WDR33: variants seen among roughly 807,000 people sequenced by gnomAD.
The protein encoded by WDR33 is WD repeat domain 33.
A neutral mutation model predicts 164.9 loss-of-function variants in WDR33; 47 were observed. That is an observed-to-expected ratio of 0.29 (90% confidence interval 0.23 to 0.36). The LOEUF (loss-of-function observed/expected upper bound fraction) is 0.36, where lower values mean the gene tolerates loss of function less well. Ranked by LOEUF, WDR33 falls within the 10% of genes least tolerant of loss-of-function variation. The pLI, the probability that WDR33 is intolerant of heterozygous loss-of-function variation, is 1.00. For synonymous variants in WDR33, 505 were observed against 589.0 expected (o/e 0.86, Z 2.06); for missense variants, 1,137 against 1,754.1 (o/e 0.65, Z 6.28).
chr2:127,761,763 CA>C (rs1226051953), intron 7 of WDR33, among the ~76,000 whole-genome samples: 6 of 152,184 alleles, frequency 3.9e-5, no homozygotes, highest in Non-Finnish European at 8.8e-5. Flanking sequence ...ATGATCATCT[CA>C]AAGTCTCTGT....
chr2:127,720,088 C>T lies in WDR33; in HGVS notation c.1937G>A (p.Gly646Asp). 2 of 1,614,186 alleles carry T rather than the reference C, an allele frequency of 1.2e-6. No homozygotes were observed. Among genetic ancestry groups the T allele is most frequent in the Non-Finnish European group, 1.7e-6 (2 of 1,180,024 alleles). Residue 646 changes from glycine to aspartate, a missense_variant, in exon 16 of 22, where the codon GGT becomes GAT. Gly to Asp is a moderately conservative substitution (Grantham distance 94). Transcript: ENST00000322313. The surrounding 1 kb of genome is among the most constrained non-coding windows in gnomAD (Gnocchi z 5.9). ...TCCCATGAATCCTTGTGGCCCCCCA[C>T]CTCCCTGATGCAGTGGAGGACCTTG... is the stretch of plus-strand genomic sequence containing the variant. ...GPQGPPLHQG[G>D]GGPQGFMGPQ... is the part of the protein sequence containing the mutation.
At chr2:127,806,664 CA>C (rs907914668) in intron 1 of WDR33, among the ~76,000 whole-genome samples, 5 of 108,740 alleles carry the variant, frequency 4.6e-5, no homozygotes, top group Non-Finnish European at 3.9e-5. Context: ...GGAACAAAGC[CA>C]AAAAAAAATA....
At chr2:127,707,416 G>A (rs976891191) in intron 21 of WDR33, among the ~76,000 whole-genome samples, 1 of 152,110 alleles carries the variant, frequency 6.6e-6, no homozygotes, top group African/African-American at 2.4e-5. Context: ...ATGAAGTTAG[G>A]AGAGCCAGCC....
chr2:127,769,551 G>A (rs971151670), intron 2 of WDR33, among the ~76,000 whole-genome samples: 8 of 152,120 alleles, frequency 5.3e-5, no homozygotes, highest in Non-Finnish European at 1.0e-4. Context: ...TTAAGAAAAG[G>A]AAACAGCAGA....
intron 1 of WDR33, among the ~76,000 whole-genome samples, chr2:127,778,439 GA>G (rs5834186): frequency 0.49 from 60,656 of 123,688 alleles, 13,349 homozygotes; most frequent in Middle Eastern, 0.63. Context: ...TCCATCTCAA[GA>G]AAAAAAAAAA....
intron 1 of WDR33, among the ~76,000 whole-genome samples, chr2:127,776,468 T>C (rs563301667): frequency 1.4e-4 from 22 of 152,258 alleles, no homozygotes; most frequent in African/African-American, 5.3e-4. Flanking sequence ...ACTGTAATCC[T>C]AGCACTTTGG....
rs557279530 is a variant in WDR33, at chr2:127,790,964, T to C, written c.-23-19960A>G. Among the ~76,000 whole-genome samples, 22 of 152,110 alleles carry C rather than the reference T, an allele frequency of 1.4e-4. No individual in the cohort carries two copies. In the South Asian group the frequency reaches 4.1e-3, roughly 29 times the overall value. On this transcript the variant is annotated intron_variant, in intron 1 of 21. Coordinates refer to ENST00000322313, the MANE Select transcript of WDR33 (RefSeq NM_018383.5). ...GTAAGATCTGTAGTAATATTCCCCC[T>C]CTTTCATTCCTGATATTGTTCACTT...
intron 1 of WDR33, among the ~76,000 whole-genome samples, chr2:127,807,721 G>A (rs1243240710): frequency 2.0e-5 from 3 of 152,028 alleles, no homozygotes; most frequent in Non-Finnish European, 4.4e-5. Flanking sequence ...AGTCATGAGG[G>A]GAATTTTTGT....
intron 1 of WDR33, among the ~76,000 whole-genome samples, chr2:127,792,960 C>T (rs1038569472): frequency 2.6e-5 from 4 of 152,064 alleles, no homozygotes; most frequent in African/African-American, 7.2e-5. Flanking sequence ...TAGAGAGATA[C>T]GTCAGAAACA....
At position 127,701,919 on chromosome 2, in the gene WDR33, G is replaced by A. The variant is rs918882840; in HGVS notation, c.*4404C>T. ...AAGCGCGCTGCTGCGGGGCGGCGCG[G>A]CGTGCGGACGCCTGCTGCGCTGCGA... On this transcript the variant is annotated 3_prime_UTR_variant, in exon 22 of 22. Transcript: ENST00000322313. 4 of 1,443,436 alleles carry A rather than the reference G, an allele frequency of 2.8e-6. No individual in the cohort carries two copies. The highest frequency in any genetic ancestry group is 1.5e-5 in the African/African-American group (1 of 66,866). The allele number at this position is 1,443,436 out of a possible 1,614,324, so 89.4% of individuals were successfully genotyped here. A position where few individuals can be genotyped will look rare whatever the true frequency, so the allele number is the denominator to read the frequency against.
intron 7 of WDR33, chr2:127,762,775 G>A: frequency 8.6e-7 from 1 of 1,157,036 alleles, no homozygotes; most frequent in Non-Finnish European, 1.1e-6. Context: ...CTACAAGGAA[G>A]GAAAAGGAAT....
Position 127,763,861 on chromosome 2 carries a change from G to C in WDR33, c.627-702C>G. ...AACTCTAAAAACTCCCTTGAACTTT[G>C]GAATCCTATGAAGGACCAGCTGTGT... On this transcript the variant is annotated intron_variant, in intron 6 of 21. Coordinates refer to ENST00000322313, the MANE Select transcript of WDR33 (RefSeq NM_018383.5). The surrounding 1 kb of genome is among the most constrained non-coding windows in gnomAD (Gnocchi z 4.5). 1.0e-6 allele frequency: 1 copy of C among 985,562 alleles called. No individual in the cohort carries two copies. The highest frequency in any genetic ancestry group is 1.2e-6 in the Non-Finnish European group (1 of 830,064). The allele number at this position is 985,562 out of a possible 1,614,324, so 61.1% of individuals were successfully genotyped here.
intron 1 of WDR33, among the ~76,000 whole-genome samples, chr2:127,791,301 G>A (rs1480910476): frequency 6.6e-6 from 1 of 151,774 alleles, no homozygotes; most frequent in Non-Finnish European, 1.5e-5. Flanking sequence ...TGTGATTACA[G>A]ACATGAGCCA....
At position 127,719,404 on chromosome 2, in the gene WDR33, TG is replaced by T; in HGVS notation, c.2620del (p.Gln874ArgfsTer37). 1 of 1,530,858 alleles carries T rather than the reference TG, an allele frequency of 6.5e-7. No homozygotes were observed. 94.8% of individuals were successfully genotyped at this position (1,530,858 alleles called of 1,614,324 possible). A position where few individuals can be genotyped will look rare whatever the true frequency, so the allele number is the denominator to read the frequency against. ...PPQGSLGPPP[Q>X]GGMQGPPGPQ... is the part of the protein sequence containing the mutation. Reference sequence around the variant, plus strand: ...TCCGGGGGGTCCTTGCATGCCACCCTGGGGTGGAGGTCCTAAAGAGCCCTGG... The same window carrying T: ...TCCGGGGGGTCCTTGCATGCCACCCTGGGTGGAGGTCCTAAAGAGCCCTGG... On this transcript the variant is annotated frameshift_variant, in exon 16 of 22. Coordinates refer to ENST00000322313, the MANE Select transcript of WDR33 (RefSeq NM_018383.5). LOFTEE classifies it high-confidence loss of function. The surrounding 1 kb of genome is among the most constrained non-coding windows in gnomAD (Gnocchi z 6.5).
chr2:127,761,307 T>TG (rs1687667392), intron 7 of WDR33, among the ~76,000 whole-genome samples: 1 of 151,918 alleles, frequency 6.6e-6, no homozygotes, highest in African/African-American at 2.4e-5. Flanking sequence ...TTCACACCAG[T>TG]CTCCTGCCTC....
chr2:127,778,202 G>A lies in WDR33; in HGVS notation c.-23-7198C>T, dbSNP rs1185036516. 2.0e-5 allele frequency among the ~76,000 whole-genome samples: 3 copies of A among 151,992 alleles called. 1 individual carries two copies. The highest frequency in any genetic ancestry group is 6.3e-3 in the Middle Eastern group (2 of 316). ...TGTAATCCCAGCACTTTGGGAGGCCGAGGTGGGTGGGATCACCTGAGGTCA... is the reference window on the plus strand; with the variant it reads ...TGTAATCCCAGCACTTTGGGAGGCCAAGGTGGGTGGGATCACCTGAGGTCA... On this transcript the variant is annotated intron_variant, in intron 1 of 21. Coordinates refer to ENST00000322313, the MANE Select transcript of WDR33 (RefSeq NM_018383.5).
Position 127,709,539 on chromosome 2 carries a change from G to A in WDR33, c.3516C>T (p.Arg1172=). 1 of 1,614,112 alleles carries A rather than the reference G, an allele frequency of 6.2e-7. No individual in the cohort carries two copies. The highest frequency in any genetic ancestry group is 8.5e-7 in the Non-Finnish European group (1 of 1,179,986). ...AATCTGGCTTCCGCCCTCCTTCAAA[G>A]CGAGGGAACTCGTCAGGAGTGGGAA... is the stretch of plus-strand genomic sequence containing the variant. ...GLLPTPDEFP[R]FEGGRKPDSW... The change falls in exon 20 of 22, where the codon CGC becomes CGT. Residue 1172 remains arginine (R), a synonymous_variant. Transcript: ENST00000322313. The surrounding 1 kb of genome is among the most constrained non-coding windows in gnomAD (Gnocchi z 5.0).
chr2:127,781,497 A>G lies in WDR33; in HGVS notation c.-23-10493T>C, dbSNP rs115984218. ...GAAATCTAAATAAGATCTGCAGACC[A>G]TATCACTATCAATGCTCTGCTTGTG... On this transcript the variant is annotated intron_variant, in intron 1 of 21. Transcript: ENST00000322313. Among the ~76,000 whole-genome samples, 473 of 152,342 alleles carry G rather than the reference A, an allele frequency of 3.1e-3. 1 individual carries two copies. The highest frequency in any genetic ancestry group is 0.011 in the African/African-American group (451 of 41,578).
intron 1 of WDR33, among the ~76,000 whole-genome samples, chr2:127,786,585 C>T (rs1038921620): frequency 6.6e-6 from 1 of 152,130 alleles, no homozygotes; most frequent in Non-Finnish European, 1.5e-5. Context: ...CAGGAGGCTA[C>T]AGCATGAGAA....
Sources: allele counts gnomAD v4.1 joint callset (sites outside exome capture counted in the v4.1 genomes callset), GRCh38; gene constraint gnomAD v4.1.1; non-coding constraint Gnocchi (gnomAD v3.1); transcripts MANE v1.5; gene names NCBI Gene and HGNC (gene_info 2026-07-23, HGNC 2026-07-21).